Variants in SCLT1 observed in about 807,000 individuals in gnomAD.
SCLT1 encodes sodium channel and clathrin linker 1.
A neutral mutation model predicts 112.8 loss-of-function variants in SCLT1; 78 were observed. The ratio of observed to expected loss-of-function variants is 0.69; its 90% confidence interval spans 0.58 to 0.83. SCLT1 has a LOEUF of 0.83. Among genes scored for constraint, SCLT1 ranks in the 40% least tolerant of loss-of-function variants. SCLT1 has a pLI of 0.00. For missense variants in SCLT1, 747 were observed against 770.4 expected, an observed-to-expected ratio of 0.97 and a Z score of 0.36; for synonymous variants, 257 against 254.7, an observed-to-expected ratio of 1.01 and a Z score of -0.09.
chr4:129,025,394 T>A (rs1451926138), intron 5 of SCLT1, among the ~76,000 whole-genome samples: 10 of 152,136 alleles, frequency 6.6e-5, no homozygotes, highest in Non-Finnish European at 1.5e-4. Context: ...GGGCCAATAT[T>A]CAACATTCTT....
At chr4:129,058,810 C>T (rs1380662730) in intron 2 of SCLT1, among the ~76,000 whole-genome samples, 3 of 151,976 alleles carry the variant, frequency 2.0e-5, no homozygotes, top group African/African-American at 4.8e-5. Flanking sequence ...TTAATGTCAC[C>T]ACCTATTATT....
intron 5 of SCLT1, among the ~76,000 whole-genome samples, chr4:129,011,213 A>G (rs1243123456): frequency 1.3e-5 from 2 of 152,186 alleles, no homozygotes; most frequent in Non-Finnish European, 2.9e-5. Context: ...TATGTGATGA[A>G]TCACATTTAT....
At chr4:128,906,842 C>T (rs374327358) in intron 18 of SCLT1, among the ~76,000 whole-genome samples, 8 of 152,128 alleles carry the variant, frequency 5.3e-5, no homozygotes, top group African/African-American at 1.9e-4. Context: ...ACTTATGAAC[C>T]ACTAGAAATA....
At position 129,084,406 on chromosome 4, in the gene SCLT1, A is replaced by G. The variant is rs1197254971; in HGVS notation, c.35-2033T>C. On this transcript the variant is annotated intron_variant, in intron 1 of 20. Coordinates refer to ENST00000281142, the MANE Select transcript of SCLT1 (RefSeq NM_144643.4). ...TACTGGCAGCATAAAGTTAGAAAAC[A>G]GTAAAAGATGCTATTTATAGTACCA... Among the ~76,000 whole-genome samples the G allele has an allele frequency of 2.7e-5, 4 of 147,314 alleles. No individual in the cohort carries two copies. The South Asian group carries it at 9.0e-4, about 33-fold the overall frequency.
intron 17 of SCLT1, 91 bp downstream of exon 17, chr4:128,942,905 G>C (rs929212069): frequency 1.2e-6 from 1 of 858,146 alleles, no homozygotes; most frequent in Admixed American, 2.5e-5. Context: ...AAAAAAAAAG[G>C]GGGCCTTAAA....
At chr4:128,893,602 G>T (rs1437214001) in intron 18 of SCLT1, among the ~76,000 whole-genome samples, 1 of 152,136 alleles carries the variant, frequency 6.6e-6, no homozygotes, top group East Asian at 1.9e-4. Flanking sequence ...GAGTGCAGTG[G>T]TGCCATCTCG....
rs1753016820 is a variant in SCLT1 at position 129,093,236 on chromosome 4, T to C, written c.-133A>G. On this transcript the variant is annotated 5_prime_UTR_variant, in exon 1 of 21. The change abolishes an upstream ATG in the 5' untranslated region. Transcript: ENST00000281142. Reference sequence around the variant, plus strand: ...AAGCGCTCCAGCGGTGCAATCTGCATCCTACTCACGCGGCATCTACAGCCC... The same window carrying C: ...AAGCGCTCCAGCGGTGCAATCTGCACCCTACTCACGCGGCATCTACAGCCC... 9.1e-6 allele frequency: 7 copies of C among 773,238 alleles called. No individual in the cohort carries two copies. The highest frequency in any genetic ancestry group is 1.4e-5 in the Non-Finnish European group (6 of 443,914). 47.9% of individuals were successfully genotyped at this position (773,238 alleles called of 1,614,324 possible). A position where few individuals can be genotyped will look rare whatever the true frequency, so the allele number is the denominator to read the frequency against.
chr4:128,992,837 C>T (rs910340863), intron 8 of SCLT1, among the ~76,000 whole-genome samples: 4 of 151,956 alleles, frequency 2.6e-5, no homozygotes, highest in Non-Finnish European at 5.9e-5. Flanking sequence ...CTGGAGAAAT[C>T]CACAGTAAGA....
intron 9 of SCLT1, among the ~76,000 whole-genome samples, chr4:128,986,643 A>G (rs1368681836): frequency 2.0e-5 from 3 of 152,180 alleles, no homozygotes; most frequent in East Asian, 1.9e-4. Context: ...AAAGGCACCA[A>G]GCAGATTTCT....
Position 129,003,895 on chromosome 4 carries a change from A to G in SCLT1, c.291-19T>C. On this transcript the variant is annotated intron_variant, in intron 5 of 20. Coordinates refer to ENST00000281142, the MANE Select transcript of SCLT1 (RefSeq NM_144643.4). ...GTGCAACCTTTGAAACAAATAGTTA[A>G]CATGATAGCCTCAAGTCATTTTCGT... 3 of 1,606,894 alleles carry G rather than the reference A, an allele frequency of 1.9e-6. No homozygotes were observed. Among genetic ancestry groups the G allele is most frequent in the Non-Finnish European group, 2.5e-6 (3 of 1,177,166 alleles).
intron 5 of SCLT1, among the ~76,000 whole-genome samples, chr4:129,022,128 C>G (rs1745538974): frequency 6.6e-6 from 1 of 152,098 alleles, no homozygotes; most frequent in African/African-American, 2.4e-5. Flanking sequence ...CACAAAAAGC[C>G]CCATCCAAAG....
chr4:129,092,717 C>T (rs1200516250), intron 1 of SCLT1, among the ~76,000 whole-genome samples: 2 of 152,128 alleles, frequency 1.3e-5, no homozygotes, highest in African/African-American at 2.4e-5. Context: ...AACAGGAGTT[C>T]AATAAACATC....
chr4:128,896,265 A>T (rs1045650949), intron 18 of SCLT1, among the ~76,000 whole-genome samples: 1 of 152,168 alleles, frequency 6.6e-6, no homozygotes, highest in African/African-American at 2.4e-5. Context: ...ACCCCCAAGT[A>T]GCCTAACTGG....
In SCLT1 at chr4:128,952,836, G is replaced by A; in HGVS notation, c.1151C>T (p.Ala384Val). The change falls in exon 14 of 21, where the codon GCA becomes GTA. Residue 384 changes from alanine (A) to valine (V), a missense_variant. Ala to Val is a moderately conservative substitution (Grantham distance 64). This residue lies in a region of SCLT1 where 723 missense variants were observed against 721.3 expected (regional missense o/e 1.00). Transcript: ENST00000281142. ...DATIRTKKEVANTKKQCNIQI... is the reference protein window; with the variant it reads ...DATIRTKKEVVNTKKQCNIQI... Reference sequence around the variant, plus strand: ...TATATTACATTGTTTTTTGGTGTTTGCAACCTGTAAATTAAGACATTTACT... The same window carrying A: ...TATATTACATTGTTTTTTGGTGTTTACAACCTGTAAATTAAGACATTTACT... 6.6e-7 allele frequency: 1 copy of A among 1,506,384 alleles called. No individual in the cohort carries two copies. Among genetic ancestry groups the A allele is most frequent in the Non-Finnish European group, 9.2e-7 (1 of 1,082,398 alleles). The allele number at this position is 1,506,384 out of a possible 1,614,324, so 93.3% of individuals were successfully genotyped here. A position where few individuals can be genotyped will look rare whatever the true frequency, so the allele number is the denominator to read the frequency against.
intron 3 of SCLT1, among the ~76,000 whole-genome samples, chr4:128,878,522 TTC>T: frequency 6.6e-6 from 1 of 152,210 alleles, no homozygotes; most frequent in Non-Finnish European, 1.5e-5. Context: ...TCCTTGGAGC[TTC>T]TCTTTTTTAT....
At chr4:128,971,920 G>A (rs1406973496) in intron 9 of SCLT1, 1 of 152,306 alleles carries the variant, frequency 6.6e-6, no homozygotes, top group Admixed American at 6.6e-5. Flanking sequence ...CTACTTGGGA[G>A]GCTGAGGCAG....
chr4:129,045,463 A>C (rs959270775), intron 2 of SCLT1, among the ~76,000 whole-genome samples: 2 of 152,162 alleles, frequency 1.3e-5, no homozygotes, highest in African/African-American at 2.4e-5. Flanking sequence ...CACAAGATGT[A>C]AGAGGTTTTT....
chr4:129,038,505 C>T (rs1367217616), intron 5 of SCLT1, among the ~76,000 whole-genome samples: 3 of 151,956 alleles, frequency 2.0e-5, no homozygotes, highest in African/African-American at 4.8e-5. Context: ...TGGAGATACA[C>T]ATACCTATAA....
chr4:128,947,593 T>C (rs1738285568), intron 15 of SCLT1, among the ~76,000 whole-genome samples: 1 of 152,202 alleles, frequency 6.6e-6, no homozygotes, highest in African/African-American at 2.4e-5. Context: ...ACTTAACCTC[T>C]CTATGAAAGT....
Sources: allele counts gnomAD v4.1 joint callset (sites outside exome capture counted in the v4.1 genomes callset), GRCh38; gene constraint gnomAD v4.1.1; regional missense constraint gnomAD v4.1.1; transcripts MANE v1.5; gene names NCBI Gene and HGNC (gene_info 2026-07-23, HGNC 2026-07-21).